The following FAM53B variants were observed in gnomAD, a reference collection of about 807,000 sequenced individuals.
The protein encoded by FAM53B is protein FAM53B.
FAM53B carries 12 observed loss-of-function variants against 32.7 expected under a neutral mutation model. The ratio of observed to expected loss-of-function variants is 0.37; its 90% CI spans 0.24 to 0.59. The LOEUF (loss-of-function observed/expected upper bound fraction) is 0.59, where lower values mean the gene tolerates loss of function less well. Ranked by LOEUF, FAM53B falls within the 20% of genes least tolerant of loss-of-function variation. FAM53B has a pLI of 0.72. For missense variants in FAM53B, 477 were observed against 577.7 expected (o/e 0.83, Z 1.79); for synonymous variants, 234 against 228.7 (o/e 1.02, Z -0.21).
At chr10:124,690,001 A>C (rs1949823936) in intron 3 of FAM53B, among the ~76,000 whole-genome samples, 1 of 152,220 alleles carries the variant, frequency 6.6e-6, no homozygotes, top group South Asian at 2.1e-4. Context: ...AAGGGACAAC[A>C]AGGTCAGTTT....
At chr10:124,670,325 G>A (rs934547292) in intron 4 of FAM53B, among the ~76,000 whole-genome samples, 7 of 152,114 alleles carry the variant, frequency 4.6e-5, no homozygotes, top group African/African-American at 1.4e-4. Context: ...GTCTGCGGTC[G>A]AACCCCCAAG....
chr10:124,632,522 C>A (rs1027111089), intron 4 of FAM53B, among the ~76,000 whole-genome samples: 1 of 152,198 alleles, frequency 6.6e-6, no homozygotes. Flanking sequence ...GCAGGACTAG[C>A]GATGCAGAAG....
intron 1 of FAM53B, among the ~76,000 whole-genome samples, chr10:124,708,913 T>G (rs1194055087): frequency 6.6e-6 from 1 of 152,208 alleles, no homozygotes; most frequent in East Asian, 1.9e-4. Context: ...TGAAATACAT[T>G]GTTTGAGTGG....
chr10:124,646,326 T>G (rs1227937550), intron 4 of FAM53B, among the ~76,000 whole-genome samples: 1 of 152,226 alleles, frequency 6.6e-6, no homozygotes, highest in African/African-American at 2.4e-5. Context: ...TCAATACAGA[T>G]GGGCTGTATC....
At chr10:124,639,601 C>T (rs1178533402) in intron 4 of FAM53B, among the ~76,000 whole-genome samples, 3 of 152,120 alleles carry the variant, frequency 2.0e-5, no homozygotes, top group East Asian at 1.9e-4. Context: ...AAGGGTTGGC[C>T]GGGGTGGGTC....
intron 3 of FAM53B, among the ~76,000 whole-genome samples, chr10:124,686,389 GT>G (rs1949803470): frequency 6.6e-6 from 1 of 152,206 alleles, no homozygotes; most frequent in Non-Finnish European, 1.5e-5. Flanking sequence ...CGAAGAGTCA[GT>G]TTTTAACTGT....
intron 4 of FAM53B, among the ~76,000 whole-genome samples, chr10:124,668,934 G>A (rs1329693968): frequency 2.0e-5 from 3 of 152,226 alleles, no homozygotes; most frequent in Non-Finnish European, 2.9e-5. Context: ...TGCCAAAGGC[G>A]CCTCTCACGG....
At position 124,682,228 on chromosome 10, in the gene FAM53B, G is replaced by A. The variant is rs138983199; in HGVS notation, c.285C>T (p.Asp95=). The change falls in exon 4 of 5, where the codon GAC becomes GAT. Residue 95 remains aspartate, a synonymous_variant. Coordinates refer to ENST00000337318, the MANE Select transcript of FAM53B (RefSeq NM_014661.4). The surrounding 1 kb of genome is among the most constrained non-coding windows in gnomAD (Gnocchi z 5.2). ...TCCCGTTGTGGTCGCTGATGCTGAG[G>A]TCTTTGATCAGACTGGTCACAGCGC... The part of the protein sequence containing the change: ...TACAVTSLIK[D]LSISDHNGNP... The A allele has an allele frequency of 2.8e-4, 459 of 1,614,066 alleles. 2 individuals are homozygous for A. The highest frequency in any genetic ancestry group is 1.6e-4 in the Middle Eastern group (1 of 6,062).
intron 4 of FAM53B, among the ~76,000 whole-genome samples, chr10:124,648,959 G>A (rs1475908214): frequency 6.6e-6 from 1 of 152,242 alleles, no homozygotes; most frequent in Non-Finnish European, 1.5e-5. Flanking sequence ...TGAAACTGGT[G>A]GGGGATGAGA....
rs146527506 is a variant in FAM53B, at chr10:124,651,207, C to G, written c.907-27603G>C. On this transcript the variant is annotated intron_variant, in intron 4 of 4. Coordinates refer to ENST00000337318, the MANE Select transcript of FAM53B (RefSeq NM_014661.4). The surrounding 1 kb of genome is among the most constrained non-coding windows in gnomAD (Gnocchi z 5.2). ...ACAGGGAGACAGAGCCAGGTGGCCA[C>G]CACCTTGCCCTCAGACGCTCTGTTG... 1.0e-3 allele frequency among the ~76,000 whole-genome samples: 157 copies of G among 152,374 alleles called. 2 individuals are homozygous for G. The highest frequency in any genetic ancestry group is 8.4e-3 in the Admixed American group (128 of 15,310).
intron 2 of FAM53B, among the ~76,000 whole-genome samples, chr10:124,700,833 C>G (rs191768731): frequency 6.6e-6 from 1 of 152,340 alleles, no homozygotes; most frequent in Non-Finnish European, 1.5e-5. Context: ...CAGGGAGCCA[C>G]AGAGCAACAG....
intron 4 of FAM53B, among the ~76,000 whole-genome samples, chr10:124,675,352 C>T (rs969436590): frequency 6.6e-6 from 1 of 152,200 alleles, no homozygotes; most frequent in Non-Finnish European, 1.5e-5. Context: ...TGCCAGCATG[C>T]GCCACAGCTG....
At chr10:124,720,692 C>G (rs1219852773) in intron 1 of FAM53B, among the ~76,000 whole-genome samples, 1 of 152,158 alleles carries the variant, frequency 6.6e-6, no homozygotes, top group African/African-American at 2.4e-5. Flanking sequence ...TCAACAAACC[C>G]TTACTGAGTG....
At chr10:124,729,863 C>T (rs557030819) in intron 1 of FAM53B, among the ~76,000 whole-genome samples, 2 of 152,350 alleles carry the variant, frequency 1.3e-5, no homozygotes, top group Admixed American at 1.3e-4. Context: ...TGGAGATCTA[C>T]GCCCTCCATA....
chr10:124,710,848 G>C (rs894493107), intron 1 of FAM53B, among the ~76,000 whole-genome samples: 1 of 152,114 alleles, frequency 6.6e-6, no homozygotes, highest in Non-Finnish European at 1.5e-5. Context: ...TTCAAAGCTG[G>C]GATTTGAACC....
At position 124,651,187 on chromosome 10, in the gene FAM53B, G is replaced by A. The variant is rs1481783205; in HGVS notation, c.907-27583C>T. Among the ~76,000 whole-genome samples, 1 of 152,238 alleles carries A rather than the reference G, an allele frequency of 6.6e-6. No individual in the cohort carries two copies. Among genetic ancestry groups the A allele is most frequent in the Admixed American group, 6.5e-5 (1 of 15,288 alleles). On this transcript the variant is annotated intron_variant, in intron 4 of 4. Coordinates refer to ENST00000337318, the MANE Select transcript of FAM53B (RefSeq NM_014661.4). This position sits in a 1 kb window ranked among gnomAD's most constrained non-coding sequence, Gnocchi z 5.2. ...TCGGTTTCTCCCTTTGTGCCACAGG[G>A]AGACAGAGCCAGGTGGCCACCACCT...
At chr10:124,692,714 CAAAAAAAAA>C (rs5788679) in intron 3 of FAM53B, among the ~76,000 whole-genome samples, 5 of 69,058 alleles carry the variant, frequency 7.2e-5, no homozygotes, top group South Asian at 7.7e-4. Context: ...TACTCCATCT[CAAAAAAAAA>C]AAAAAAAAAA....
At chr10:124,640,801 C>T (rs1322163624) in intron 4 of FAM53B, among the ~76,000 whole-genome samples, 1 of 152,090 alleles carries the variant, frequency 6.6e-6, no homozygotes. Context: ...CAGGCGCTGA[C>T]CACCATGCAA....
chr10:124,705,735 C>T (rs1949952692), intron 2 of FAM53B: 1 of 151,602 alleles, frequency 6.6e-6, no homozygotes, highest in Admixed American at 6.6e-5. Context: ...GTGGCTTTCC[C>T]AAGCTCCTGC....
Sources: allele counts gnomAD v4.1 joint callset (sites outside exome capture counted in the v4.1 genomes callset), GRCh38; gene constraint gnomAD v4.1.1; non-coding constraint Gnocchi (gnomAD v3.1); transcripts MANE v1.5; gene names NCBI Gene and HGNC (gene_info 2026-07-23, HGNC 2026-07-21).